Variants in ADGRL4 observed in about 807,000 individuals in gnomAD.
ADGRL4 encodes the protein EGF, latrophilin and seven transmembrane domain containing 1.
ADGRL4 carries 90 observed loss-of-function variants against 74.8 expected under a neutral mutation model. That is an observed-to-expected ratio of 1.20 (90% CI 1.02 to 1.43). The LOEUF is 1.43. ADGRL4 is among the 40% of genes most tolerant of loss of function. The probability of loss-of-function intolerance (pLI) is 0.00; values close to 1 mark genes in which losing one functional copy is unlikely to be tolerated. For missense variants in ADGRL4, 881 were observed against 814.3 expected (o/e 1.08, Z -1.00); for synonymous variants, 311 against 279.2 (o/e 1.11, Z -1.14).
intron 2 of ADGRL4, among the ~76,000 whole-genome samples, chr1:78,999,770 T>C (rs1323514163): frequency 6.6e-6 from 1 of 151,566 alleles, no homozygotes; most frequent in African/African-American, 2.4e-5. Flanking sequence ...GCATATTATA[T>C]GATACACATC....
intron 12 of ADGRL4, among the ~76,000 whole-genome samples, chr1:78,905,905 A>G (rs1383394289): frequency 6.6e-6 from 1 of 152,066 alleles, no homozygotes; most frequent in Admixed American, 6.6e-5. Context: ...GTGACATAAT[A>G]GTATAGAATT....
intron 7 of ADGRL4, among the ~76,000 whole-genome samples, chr1:78,929,974 A>T (rs1649204019): frequency 1.3e-5 from 2 of 151,498 alleles, no homozygotes; most frequent in African/African-American, 4.9e-5. Flanking sequence ...GTTCCTAAAT[A>T]CAAAATGTAT....
intron 2 of ADGRL4, among the ~76,000 whole-genome samples, chr1:78,971,339 A>T (rs1234777268): frequency 6.6e-6 from 1 of 152,160 alleles, no homozygotes; most frequent in African/African-American, 2.4e-5. Flanking sequence ...CAGGTTTGTT[A>T]CATATGTATA....
chr1:78,975,493 A>T (rs1570266393), intron 2 of ADGRL4, among the ~76,000 whole-genome samples: 1 of 151,968 alleles, frequency 6.6e-6, no homozygotes, highest in Non-Finnish European at 1.5e-5. Context: ...ACCCTCTTAA[A>T]TGGTCTTACA....
intron 2 of ADGRL4, among the ~76,000 whole-genome samples, chr1:78,950,001 A>G (rs977613824): frequency 6.6e-6 from 1 of 152,200 alleles, no homozygotes; most frequent in Non-Finnish European, 1.5e-5. Context: ...TAAGGTATCC[A>G]TAGCTACTGG....
At chr1:78,922,529 TATC>T (rs1300175987) in intron 8 of ADGRL4, among the ~76,000 whole-genome samples, 1 of 152,048 alleles carries the variant, frequency 6.6e-6, no homozygotes, top group African/African-American at 2.4e-5. Flanking sequence ...GAATTCTCCT[TATC>T]ATACTTTTAT....
intron 2 of ADGRL4, among the ~76,000 whole-genome samples, chr1:78,988,011 G>A (rs143256957): frequency 2.7e-4 from 41 of 150,186 alleles, no homozygotes; most frequent in Middle Eastern, 3.4e-3. Context: ...TTTTGTTTCT[G>A]TAATTTAGGA....
chr1:78,991,976 A>G (rs1650615792), intron 2 of ADGRL4, among the ~76,000 whole-genome samples: 1 of 152,036 alleles, frequency 6.6e-6, no homozygotes. Flanking sequence ...AAACACTCAT[A>G]CAGTAAATTT....
intron 2 of ADGRL4, among the ~76,000 whole-genome samples, chr1:78,997,710 C>T (rs921732331): frequency 2.6e-5 from 4 of 152,040 alleles, no homozygotes; most frequent in Non-Finnish European, 5.9e-5. Flanking sequence ...ATATTGTTCA[C>T]TTTTCCTCAA....
Position 78,917,686 on chromosome 1 carries a change from G to T in ADGRL4, c.1697C>A (p.Thr566Asn). The T allele has an allele frequency of 6.2e-7, 1 of 1,608,104 alleles. No individual in the cohort carries two copies. Among genetic ancestry groups the T allele is most frequent in the Non-Finnish European group, 8.5e-7 (1 of 1,176,978 alleles). ...AAAACTCCAAATAAAGTTGTTTTCG[G>T]TGCTAAGCCAACATCTGAAAAGTAA... ...YGTTKVCWLSTENNFIWSFIG... is the reference protein window; with the variant it reads ...YGTTKVCWLSNENNFIWSFIG... Residue 566 changes from threonine (T) to asparagine (N), a missense_variant, in exon 12 of 15, where the codon ACC (threonine) becomes AAC (asparagine). By Grantham distance (65) the Thr-to-Asn change is moderately conservative (BLOSUM62 0). Coordinates refer to ENST00000370742, the MANE Select transcript of ADGRL4 (RefSeq NM_022159.4).
intron 9 of ADGRL4, 126 bp downstream of exon 9, chr1:78,921,487 C>T (rs1011696645): frequency 6.2e-6 from 3 of 486,554 alleles, no homozygotes; most frequent in Non-Finnish European, 1.0e-5. Flanking sequence ...GGGGTTTTAT[C>T]TCTTATACTA....
chr1:78,961,383 C>T (rs770229818), intron 2 of ADGRL4, among the ~76,000 whole-genome samples: 1 of 152,054 alleles, frequency 6.6e-6, no homozygotes, highest in Non-Finnish European at 1.5e-5. Context: ...CCTCGTGATC[C>T]GCCCACCTCG....
intron 5 of ADGRL4, 40 bp downstream of exon 5, chr1:78,938,060 C>A: frequency 6.2e-7 from 1 of 1,603,850 alleles, no homozygotes; most frequent in South Asian, 1.1e-5. Context: ...AGGAAAAATT[C>A]AAAGCTCAAT....
intron 2 of ADGRL4, among the ~76,000 whole-genome samples, chr1:78,997,144 T>C (rs1053779380): frequency 2.7e-5 from 4 of 150,316 alleles, no homozygotes; most frequent in African/African-American, 9.8e-5. Context: ...AGGAGGAATA[T>C]AAAAAAAGGT....
At chr1:78,946,968 T>A (rs1649613965) in intron 2 of ADGRL4, among the ~76,000 whole-genome samples, 1 of 152,160 alleles carries the variant, frequency 6.6e-6, no homozygotes, top group Non-Finnish European at 1.5e-5. Context: ...TAGTATGCAA[T>A]ACAAAAAATT....
chr1:78,960,101 A>C (rs1054236709), intron 2 of ADGRL4, among the ~76,000 whole-genome samples: 5 of 152,206 alleles, frequency 3.3e-5, no homozygotes, highest in Non-Finnish European at 5.9e-5. Flanking sequence ...CTCATCCCTC[A>C]TTGCTTATTG....
chr1:78,932,546 T>C (rs1649263608), intron 7 of ADGRL4, among the ~76,000 whole-genome samples: 3 of 134,722 alleles, frequency 2.2e-5, no homozygotes, highest in Admixed American at 1.6e-4. Flanking sequence ...ATCCAAAAGC[T>C]AGCAGAAGGC....
chr1:78,959,911 G>T (rs1041183892), intron 2 of ADGRL4, among the ~76,000 whole-genome samples: 2 of 152,048 alleles, frequency 1.3e-5, no homozygotes, highest in Non-Finnish European at 2.9e-5. Flanking sequence ...TTATATACAA[G>T]AATATTCACA....
At chr1:78,908,044 C>T (rs1304722512) in intron 12 of ADGRL4, among the ~76,000 whole-genome samples, 1 of 151,976 alleles carries the variant, frequency 6.6e-6, no homozygotes, top group Non-Finnish European at 1.5e-5. Flanking sequence ...GCAGACTGTC[C>T]ATTCTCTCAA....
Sources: allele counts gnomAD v4.1 joint callset (sites outside exome capture counted in the v4.1 genomes callset), GRCh38; gene constraint gnomAD v4.1.1; transcripts MANE v1.5; gene names NCBI Gene and HGNC (gene_info 2026-07-23, HGNC 2026-07-21).